Variants in NALF2 observed in about 807,000 individuals in gnomAD.
NALF2 encodes NALCN channel auxiliary factor 2, also known as bB57D9.1 (TED protein).
Under a neutral mutation model 24.8 loss-of-function variants are expected in NALF2, and 1 was observed. The observed-to-expected ratio is 0.04, with a 90% CI of 0.01 to 0.19. NALF2 has a LOEUF of 0.19. Among genes scored for constraint, NALF2 ranks in the 10% least tolerant of loss-of-function variants. The pLI is 1.00. For missense variants in NALF2, 458 were observed against 409.6 expected, an observed-to-expected ratio of 1.12 and a Z score of -1.02; for synonymous variants, 254 against 189.8, an observed-to-expected ratio of 1.34 and a Z score of -2.78.
At position 69,505,960 on chromosome X, in the gene NALF2, G is replaced by A; in HGVS notation, c.678G>A (p.Gly226=). 1 of 1,211,938 alleles carries A rather than the reference G, an allele frequency of 8.3e-7. No individual in the cohort carries two copies. Among genetic ancestry groups the A allele is most frequent in the Non-Finnish European group, 1.1e-6 (1 of 895,474 alleles). Residue 226 remains glycine, a synonymous_variant, in exon 1 of 3, where the codon GGG becomes GGA. Transcript: ENST00000252338. The part of the protein sequence containing the change: ...SLDCSLDTLM[G]DLLAVVASPG... ...ACTGTAGCCTGGACACCCTGATGGG[G>A]GACCTGCTGGCCGTGGTGGCCAGCC...
chrX:69,529,728 G>C lies in NALF2; in HGVS notation c.1191G>C (p.Gln397His). The C allele has an allele frequency of 8.3e-7, 1 of 1,209,356 alleles. No homozygotes were observed. Among genetic ancestry groups the C allele is most frequent in the Middle Eastern group, 2.3e-4 (1 of 4,353 alleles). Residue 397 changes from glutamine to histidine, a missense_variant, in exon 3 of 3, where the codon CAG becomes CAC. By Grantham distance (24) the Gln-to-His change is conservative (BLOSUM62 0). Transcript: ENST00000252338. ...HHSYFHHYHQQYHHYHPHHDP... is the reference protein window; with the variant it reads ...HHSYFHHYHQHYHHYHPHHDP... ...CCTATTTCCACCACTACCACCAACA[G>C]TACCATCACTACCACCCCCATCATG...
intron 1 of NALF2, among the ~76,000 whole-genome samples, chrX:69,513,313 TA>T (rs1422256301): frequency 1.8e-5 from 2 of 112,454 alleles, no homozygotes; most frequent in Non-Finnish European, 3.8e-5. Context: ...ACGACTGCAG[TA>T]AGACTTTGTT....
In NALF2 at chrX:69,504,963, C is replaced by T. The variant is rs1203139241; in HGVS notation, c.-320C>T. On this transcript the variant is annotated 5_prime_UTR_variant, in exon 1 of 3. Transcript: ENST00000252338. The stretch of plus-strand genomic sequence containing the variant: ...GAGGGGCCCGACACTATGAGGAGTG[C>T]GGCGCCGCCGCCGCAGCCGCCACCG... Among the ~76,000 whole-genome samples, 1 of 107,102 alleles carries T rather than the reference C, an allele frequency of 9.3e-6. No individual in the cohort carries two copies. 93.0% of individuals were successfully genotyped at this position (107,102 alleles called of 115,157 possible).
intron 1 of NALF2, among the ~76,000 whole-genome samples, chrX:69,511,205 G>A (rs1930577478): frequency 9.6e-6 from 1 of 103,717 alleles, no homozygotes; most frequent in South Asian, 4.5e-4. Context: ...TCAACAGTCA[G>A]CCCCTCACAT....
intron 1 of NALF2, among the ~76,000 whole-genome samples, chrX:69,510,119 C>T (rs752640220): frequency 2.7e-5 from 3 of 112,483 alleles, no homozygotes; most frequent in African/African-American, 9.7e-5. Flanking sequence ...GGGAAAATGC[C>T]GTGGAGGCAA....
At chrX:69,512,765 GTTCT>G (rs1246015535) in intron 1 of NALF2, among the ~76,000 whole-genome samples, 2 of 111,273 alleles carry the variant, frequency 1.8e-5, no homozygotes, top group Non-Finnish European at 3.8e-5. Flanking sequence ...AGGTCTGTCT[GTTCT>G]TTCTCCAGTG....
At position 69,505,769 on chromosome X, in the gene NALF2, G is replaced by GC. The variant is rs769524017; in HGVS notation, c.494dup (p.Leu166SerfsTer5). On this transcript the variant is annotated frameshift_variant, in exon 1 of 3. Coordinates refer to ENST00000252338, the MANE Select transcript of NALF2 (RefSeq NM_015686.3). LOFTEE classifies it high-confidence loss of function. The stretch of plus-strand genomic sequence containing the variant: ...GAGACTTTTCGAACCGACTACTCCG[G>GC]CCCCCCCTCTGCGGCCCCCTGACTC... The GC allele has an allele frequency of 5.8e-6, 7 of 1,210,311 alleles. No individual in the cohort carries two copies. Among genetic ancestry groups the GC allele is most frequent in the South Asian group, 1.8e-5 (1 of 56,928 alleles).
intron 1 of NALF2, among the ~76,000 whole-genome samples, chrX:69,524,091 AT>A (rs893324724): frequency 5.0e-5 from 5 of 100,989 alleles, no homozygotes; most frequent in African/African-American, 1.1e-4. Flanking sequence ...AGACAGGAGT[AT>A]TTTTTTTCTT....
In NALF2 at chrX:69,530,317, G is replaced by T. The variant is rs751666636; in HGVS notation, c.*361G>T. 1.6e-5 allele frequency: 3 copies of T among 187,247 alleles called. No homozygotes were observed. The highest frequency in any genetic ancestry group is 3.0e-5 in the Non-Finnish European group (3 of 101,287). 15.4% of individuals were successfully genotyped at this position (187,247 alleles called of 1,213,427 possible). A position where few individuals can be genotyped will look rare whatever the true frequency, so the allele number is the denominator to read the frequency against. ...AGGCTGCTCACCCAGCCTTGGCCCT[G>T]CAGGGAATGTTGGGGGGCACAGAGG... is the stretch of plus-strand genomic sequence containing the variant. On this transcript the variant is annotated 3_prime_UTR_variant, in exon 3 of 3. Transcript: ENST00000252338.
intron 1 of NALF2, among the ~76,000 whole-genome samples, chrX:69,517,812 C>G (rs957521386): frequency 4.4e-5 from 5 of 112,607 alleles, no homozygotes; most frequent in African/African-American, 1.6e-4. Flanking sequence ...CCAAGCACAG[C>G]TGACAGTCAT....
At chrX:69,529,461 C>G in intron 2 of NALF2, 110 bp from the exon 3 acceptor site, 1 of 1,092,416 alleles carries the variant, frequency 9.2e-7, no homozygotes, top group Non-Finnish European at 1.2e-6. Flanking sequence ...GGGGAGGGAG[C>G]CTTAGATGAG....
At chrX:69,524,572 G>A (rs1162171061) in intron 1 of NALF2, among the ~76,000 whole-genome samples, 1 of 110,811 alleles carries the variant, frequency 9.0e-6, no homozygotes. Context: ...CTCCTAAGCC[G>A]GGCCCTCCTG....
intron 1 of NALF2, among the ~76,000 whole-genome samples, chrX:69,509,611 C>T (rs1243273430): frequency 4.5e-5 from 5 of 110,982 alleles, no homozygotes; most frequent in African/African-American, 1.6e-4. Flanking sequence ...GACCCAAACC[C>T]ACCTGGCAGA....
In NALF2 at chrX:69,531,686, C is replaced by T. The variant is rs1399329560; in HGVS notation, c.*1730C>T. On this transcript the variant is annotated 3_prime_UTR_variant, in exon 3 of 3. Transcript: ENST00000252338. The stretch of plus-strand genomic sequence containing the variant: ...TCATTCATGGGCCTCGGCTAGGTCC[C>T]AGACTGATTACATGAGACTGGGGAG... 1 of 111,533 alleles carries T rather than the reference C, an allele frequency of 9.0e-6. No homozygotes were observed. The highest frequency in any genetic ancestry group is 1.9e-5 in the Non-Finnish European group (1 of 52,988). The allele number at this position is 111,533 out of a possible 1,213,427, so 9.2% of individuals were successfully genotyped here. A position where few individuals can be genotyped will look rare whatever the true frequency, so the allele number is the denominator to read the frequency against.
At chrX:69,507,102 C>T (rs1930501139) in intron 1 of NALF2, among the ~76,000 whole-genome samples, 1 of 111,838 alleles carries the variant, frequency 8.9e-6, no homozygotes, top group Admixed American at 9.4e-5. Flanking sequence ...GGAAAGAGAA[C>T]AGCAAGGTCA....
Position 69,505,960 on chromosome X carries a change from G to C in NALF2, c.678G>C (p.Gly226=). Residue 226 remains glycine, a synonymous_variant, in exon 1 of 3, where the codon GGG becomes GGC. Coordinates refer to ENST00000252338, the MANE Select transcript of NALF2 (RefSeq NM_015686.3). The stretch of plus-strand genomic sequence containing the variant: ...ACTGTAGCCTGGACACCCTGATGGG[G>C]GACCTGCTGGCCGTGGTGGCCAGCC... ...SLDCSLDTLM[G]DLLAVVASPG... 8.3e-7 allele frequency: 1 copy of C among 1,211,938 alleles called. No individual in the cohort carries two copies. The highest frequency in any genetic ancestry group is 1.1e-6 in the Non-Finnish European group (1 of 895,474).
chrX:69,521,072 A>G (rs915921680), intron 1 of NALF2, among the ~76,000 whole-genome samples: 4 of 111,990 alleles, frequency 3.6e-5, no homozygotes, highest in Non-Finnish European at 7.5e-5. Context: ...TGCCTATAGG[A>G]TGAAGCCCAG....
At position 69,530,159 on chromosome X, in the gene NALF2, C is replaced by T; in HGVS notation, c.*203C>T. The T allele has an allele frequency of 2.6e-6, 1 of 380,223 alleles. No individual in the cohort carries two copies. Among genetic ancestry groups the T allele is most frequent in the Non-Finnish European group, 4.5e-6 (1 of 222,120 alleles). 31.3% of individuals were successfully genotyped at this position (380,223 alleles called of 1,213,427 possible). ...CAGAGGGCCTCAGGGAGCTGCAAAA[C>T]TCATCCAGGAGAAAAAGGCAGGAGC... On this transcript the variant is annotated 3_prime_UTR_variant, in exon 3 of 3. Transcript: ENST00000252338.
intron 1 of NALF2, among the ~76,000 whole-genome samples, chrX:69,512,922 G>C (rs1359565163): frequency 9.0e-6 from 1 of 111,560 alleles, no homozygotes; most frequent in Non-Finnish European, 1.9e-5. Flanking sequence ...GAGGTCCTCT[G>C]GAGTGGCCCA....
Sources: allele counts gnomAD v4.1 joint callset (sites outside exome capture counted in the v4.1 genomes callset), GRCh38; gene constraint gnomAD v4.1.1; transcripts MANE v1.5; gene names NCBI Gene and HGNC (gene_info 2026-07-23, HGNC 2026-07-21).